WDR64: variants seen among roughly 807,000 people sequenced by gnomAD.
WDR64 encodes WD repeat-containing protein 64.
Under a neutral mutation model 139.3 loss-of-function variants are expected in WDR64, and 112 were observed. That is an observed-to-expected ratio of 0.80 (90% CI 0.69 to 0.94). The LOEUF (loss-of-function observed/expected upper bound fraction) is 0.94, where lower values mean the gene tolerates loss of function less well. Ranked by LOEUF, WDR64 falls within the 40% of genes least tolerant of loss-of-function variation. WDR64 has a pLI of 0.00. For synonymous variants in WDR64, 444 were observed against 437.7 expected (o/e 1.01, Z -0.18); for missense variants, 1,206 against 1,293.1 (o/e 0.93, Z 1.03).
chr1:241,659,945 CA>C (rs1238078567), intron 1 of WDR64, among the ~76,000 whole-genome samples: 1 of 152,110 alleles, frequency 6.6e-6, no homozygotes, highest in Non-Finnish European at 1.5e-5. Flanking sequence ...GCTTTTGTTG[CA>C]ATTGCTTTTG....
chr1:241,707,708 CG>C (rs1305635254), intron 8 of WDR64, among the ~76,000 whole-genome samples: 6 of 152,048 alleles, frequency 3.9e-5, no homozygotes, highest in African/African-American at 1.4e-4. Context: ...AGCTCTGGGA[CG>C]CCATCCACAA....
At chr1:241,775,340 G>C (rs186438254) in intron 21 of WDR64, 130 bp downstream of exon 21, 3 of 644,668 alleles carry the variant, frequency 4.7e-6, no homozygotes, top group Non-Finnish European at 5.1e-6. Context: ...TCAAGCCTGA[G>C]AAAGTGTTAT....
At chr1:241,707,869 G>A (rs548825607) in intron 8 of WDR64, among the ~76,000 whole-genome samples, 5 of 152,344 alleles carry the variant, frequency 3.3e-5, no homozygotes, top group African/African-American at 1.2e-4. Flanking sequence ...GCAAGATTAA[G>A]TGACTTTTCT....
At chr1:241,688,948 C>G (rs1054852245) in intron 8 of WDR64, among the ~76,000 whole-genome samples, 3 of 152,234 alleles carry the variant, frequency 2.0e-5, no homozygotes, top group East Asian at 1.9e-4. Flanking sequence ...CGTGCCAGAA[C>G]ATGTTGTTCT....
At chr1:241,763,636 T>A (rs951292569) in intron 15 of WDR64, among the ~76,000 whole-genome samples, 2 of 152,090 alleles carry the variant, frequency 1.3e-5, no homozygotes, top group African/African-American at 4.8e-5. Context: ...ACCTGGAAGG[T>A]GGAGGATGCA....
At chr1:241,682,243 A>G (rs1262055077) in intron 6 of WDR64, among the ~76,000 whole-genome samples, 1 of 152,148 alleles carries the variant, frequency 6.6e-6, no homozygotes, top group Non-Finnish European at 1.5e-5. Flanking sequence ...ATCTTCTAGA[A>G]TTTTTATAGT....
At chr1:241,658,253 C>T (rs56214959) in intron 1 of WDR64, among the ~76,000 whole-genome samples, 18 of 150,638 alleles carry the variant, frequency 1.2e-4, no homozygotes, top group African/African-American at 2.2e-4. Flanking sequence ...CAGGGAATTA[C>T]GAAATTTGAC....
intron 1 of WDR64, among the ~76,000 whole-genome samples, chr1:241,654,443 G>C (rs1476088136): frequency 6.6e-6 from 1 of 152,118 alleles, no homozygotes; most frequent in African/African-American, 2.4e-5. Context: ...TCAATAAATT[G>C]TTTTCATTTT....
intron 27 of WDR64, among the ~76,000 whole-genome samples, chr1:241,800,897 C>T (rs534413814): frequency 6.6e-6 from 1 of 152,116 alleles, no homozygotes; most frequent in South Asian, 2.1e-4. Flanking sequence ...TGGATAACTG[C>T]CCAGTTAAGT....
At chr1:241,746,682 G>T (rs1669770375) in intron 13 of WDR64, among the ~76,000 whole-genome samples, 1 of 151,626 alleles carries the variant, frequency 6.6e-6, no homozygotes, top group Non-Finnish European at 1.5e-5. Flanking sequence ...AGTTATATTT[G>T]CATCAGTTTG....
At chr1:241,753,521 T>C (rs532118153) in intron 14 of WDR64, among the ~76,000 whole-genome samples, 6 of 152,128 alleles carry the variant, frequency 3.9e-5, no homozygotes, top group East Asian at 1.9e-4. Flanking sequence ...CTGGCCAATA[T>C]GGCAAAACTC....
chr1:241,799,221 A>AAAAAAAAAAAC, intron 27 of WDR64, among the ~76,000 whole-genome samples: 1 of 134,658 alleles, frequency 7.4e-6, no homozygotes, highest in African/African-American at 2.7e-5. Flanking sequence ...AAAAAAAAAA[A>AAAAAAAAAAAC]AATACAAAAA....
At chr1:241,768,557 CTT>C (rs1473939259) in intron 16 of WDR64, among the ~76,000 whole-genome samples, 1 of 152,194 alleles carries the variant, frequency 6.6e-6, no homozygotes, top group Non-Finnish European at 1.5e-5. Flanking sequence ...ACAGAAATCT[CTT>C]AAAAAATTTG....
chr1:241,653,565 C>T (rs1291200861), intron 1 of WDR64, among the ~76,000 whole-genome samples: 9 of 134,804 alleles, frequency 6.7e-5, no homozygotes, highest in Middle Eastern at 4.8e-3. Flanking sequence ...TTTTCTGAGA[C>T]GGAGTTTCAT....
At chr1:241,757,827 A>G (rs770075950) in intron 15 of WDR64, among the ~76,000 whole-genome samples, 3 of 151,762 alleles carry the variant, frequency 2.0e-5, no homozygotes, top group Non-Finnish European at 4.4e-5. Flanking sequence ...GTGTCATTTC[A>G]TCCCTTTATA....
intron 16 of WDR64, among the ~76,000 whole-genome samples, chr1:241,768,983 C>G (rs951759924): frequency 4.6e-5 from 7 of 152,100 alleles, no homozygotes; most frequent in African/African-American, 1.7e-4. Context: ...CTGTATGAAA[C>G]CAGCCCGGCG....
chr1:241,799,536 ACT>A (rs773394352), intron 27 of WDR64, among the ~76,000 whole-genome samples: 35 of 152,076 alleles, frequency 2.3e-4, no homozygotes, highest in Admixed American at 7.9e-4. Flanking sequence ...TTTGCTATGT[ACT>A]CTTTCATTTC....
chr1:241,769,167 T>C (rs1658320614), intron 16 of WDR64, among the ~76,000 whole-genome samples: 1 of 152,098 alleles, frequency 6.6e-6, no homozygotes, highest in Admixed American at 6.5e-5. Context: ...GATCTAAAGG[T>C]AGGAAGATTA....
chr1:241,689,282 C>G (rs1272499807), intron 8 of WDR64, among the ~76,000 whole-genome samples: 3 of 143,656 alleles, frequency 2.1e-5, no homozygotes, highest in Non-Finnish European at 4.5e-5. Context: ...TACTAAAAGG[C>G]ACAAAACAGA....
Sources: allele counts gnomAD v4.1 joint callset (sites outside exome capture counted in the v4.1 genomes callset), GRCh38; gene constraint gnomAD v4.1.1; transcripts MANE v1.5; gene names NCBI Gene and HGNC (gene_info 2026-07-23, HGNC 2026-07-21).